Variants in ATP8B3 observed in about 807,000 individuals in gnomAD.
ATP8B3 encodes ATPase phospholipid transporting 8B3.
ATP8B3 carries 141 observed loss-of-function variants against 140.9 expected under a neutral mutation model. The ratio of observed to expected loss-of-function variants is 1.00; its 90% confidence interval spans 0.87 to 1.15. The LOEUF is 1.15. ATP8B3 is among the 50% of genes most tolerant of loss of function. The probability of loss-of-function intolerance (pLI) is 0.00; values close to 1 mark genes in which losing one functional copy is unlikely to be tolerated. For synonymous variants in ATP8B3, 765 were observed against 714.6 expected (o/e 1.07, Z -1.13); for missense variants, 1,874 against 1,740.6 (o/e 1.08, Z -1.36).
At chr19:1,797,462 TTTTATTTTTATTTATTTA>T (rs1192424075) in intron 14 of ATP8B3, among the ~76,000 whole-genome samples, 1 of 146,038 alleles carries the variant, frequency 6.8e-6, no homozygotes, top group African/African-American at 2.5e-5. Flanking sequence ...TTTTGTTCTT[TTTTATTTTTATTTATTTA>T]TTTATTTATT....
intron 20 of ATP8B3, among the ~76,000 whole-genome samples, chr19:1,791,134 A>G (rs532943775): frequency 1.1e-4 from 17 of 152,322 alleles, no homozygotes; most frequent in Admixed American, 3.3e-4. Flanking sequence ...AAATGTCTCA[A>G]TATCTTTTTA....
rs551077798 is a variant in ATP8B3, at chr19:1,793,013, G to A, written c.2056-878C>T. On this transcript the variant is annotated intron_variant, in intron 18 of 28. Coordinates refer to ENST00000310127, the MANE Select transcript of ATP8B3 (RefSeq NM_138813.4). ...ACCCCCAGACCCTCAGCTCTCTTTT[G>A]CCTCCAGACCTTCTTGGAGGACTGT... Among the ~76,000 whole-genome samples, 4 of 150,434 alleles carry A rather than the reference G, an allele frequency of 2.7e-5. No homozygotes were observed. In the South Asian group the frequency reaches 6.3e-4, roughly 24 times the overall value.
intron 18 of ATP8B3, 94 bp from the exon 19 acceptor site, chr19:1,792,229 T>C (rs2145182611): frequency 7.2e-7 from 1 of 1,384,416 alleles, no homozygotes; most frequent in East Asian, 2.5e-5. Flanking sequence ...GGAGCCTGGG[T>C]CCCCCAACCA....
At chr19:1,801,286 G>A (rs2145197305) in intron 12 of ATP8B3, among the ~76,000 whole-genome samples, 1 of 151,996 alleles carries the variant, frequency 6.6e-6, no homozygotes, top group Admixed American at 6.6e-5. Flanking sequence ...CAAGTAGCTG[G>A]GATTACAGGT....
intron 21 of ATP8B3, 84 bp downstream of exon 21, chr19:1,790,673 C>A: frequency 8.1e-7 from 1 of 1,230,806 alleles, no homozygotes; most frequent in Non-Finnish European, 1.1e-6. Context: ...CTTGGGCTCC[C>A]CGTCCAGTGA....
intron 21 of ATP8B3, 105 bp from the exon 22 acceptor site, chr19:1,790,094 C>T (rs2068446419): frequency 2.5e-6 from 2 of 785,840 alleles, no homozygotes; most frequent in Admixed American, 4.2e-5. Flanking sequence ...CACTCCCCCA[C>T]CCCTGCCCCT....
chr19:1,782,698 C>A lies in ATP8B3; in HGVS notation c.*330G>T, dbSNP rs959984263. ...GTGGCTGGCTCTCAAATGACGACAG[C>A]TGGCTTTCTCTGTGCAACAGTGATT... On this transcript the variant is annotated 3_prime_UTR_variant, in exon 29 of 29. Coordinates refer to ENST00000310127, the MANE Select transcript of ATP8B3 (RefSeq NM_138813.4). The A allele has an allele frequency of 3.2e-5, 10 of 317,404 alleles. No homozygotes were observed. The highest frequency in any genetic ancestry group is 2.1e-4 in the African/African-American group (10 of 46,860). 19.7% of individuals were successfully genotyped at this position (317,404 alleles called of 1,614,324 possible).
intron 14 of ATP8B3, among the ~76,000 whole-genome samples, chr19:1,797,358 G>A (rs1209245314): frequency 6.7e-6 from 1 of 149,716 alleles, no homozygotes; most frequent in Non-Finnish European, 1.5e-5. Flanking sequence ...AGCGGGATGT[G>A]GCCCCTTCCT....
chr19:1,807,875 G>A lies in ATP8B3; in HGVS notation c.516+347C>T, dbSNP rs920537569. Among the ~76,000 whole-genome samples, 1 of 152,236 alleles carries A rather than the reference G, an allele frequency of 6.6e-6. No individual in the cohort carries two copies. Among genetic ancestry groups the A allele is most frequent in the African/African-American group, 2.4e-5 (1 of 41,464 alleles). On this transcript the variant is annotated intron_variant, in intron 5 of 28. Coordinates refer to ENST00000310127, the MANE Select transcript of ATP8B3 (RefSeq NM_138813.4). The surrounding 1 kb of genome is among the most constrained non-coding windows in gnomAD (Gnocchi z 5.9). ...TGCTCTGGGCTCCTCCTTCCCCCTC[G>A]CCTCTGAGGTCAGCTGGGAGGGCGG...
In ATP8B3 at chr19:1,789,111, A is replaced by T; in HGVS notation, c.2855T>A (p.Val952Glu). 6.3e-7 allele frequency: 1 copy of T among 1,586,082 alleles called. No individual in the cohort carries two copies. Among genetic ancestry groups the T allele is most frequent in the Non-Finnish European group, 8.5e-7 (1 of 1,171,750 alleles). ...CTCCTGGCCCGCCAGCCCCACGCCC[A>T]CGTCCGCGGCTGCAGGGCACAAGCA... ...NDINMIKTAD[V>E]GVGLAGQEGM... Residue 952 changes from valine to glutamate, a missense_variant, in exon 24 of 29, where the codon GTG becomes GAG. Coordinates refer to ENST00000310127, the MANE Select transcript of ATP8B3 (RefSeq NM_138813.4).
intron 18 of ATP8B3, among the ~76,000 whole-genome samples, chr19:1,792,397 T>A (rs991596426): frequency 7.1e-6 from 1 of 140,206 alleles, no homozygotes; most frequent in African/African-American, 2.7e-5. Context: ...TTGGCCAACA[T>A]GGTGAAACCC....
intron 14 of ATP8B3, chr19:1,799,466 A>G (rs1052707395): frequency 2.2e-5 from 3 of 139,022 alleles, no homozygotes; most frequent in African/African-American, 3.2e-5. Flanking sequence ...TCTCAGAGAG[A>G]AAAAAAAAAA....
At chr19:1,787,652 C>G (rs759722769) in intron 24 of ATP8B3, among the ~76,000 whole-genome samples, 4 of 150,170 alleles carry the variant, frequency 2.7e-5, no homozygotes, top group Non-Finnish European at 5.9e-5. Context: ...TCGCTTGAAC[C>G]CAGGAGACGG....
At position 1,800,442 on chromosome 19, in the gene ATP8B3, A is replaced by G; in HGVS notation, c.1160T>C (p.Ile387Thr). 7.0e-7 allele frequency: 1 copy of G among 1,419,200 alleles called. No individual in the cohort carries two copies. The highest frequency in any genetic ancestry group is 9.5e-7 in the Non-Finnish European group (1 of 1,047,962). The allele number at this position is 1,419,200 out of a possible 1,614,324, so 87.9% of individuals were successfully genotyped here. A position where few individuals can be genotyped will look rare whatever the true frequency, so the allele number is the denominator to read the frequency against. Residue 387 changes from isoleucine (I) to threonine (T), a missense_variant, in exon 13 of 29, where the codon ATC becomes ACC. This residue lies in a region of ATP8B3 where 1,032 missense variants were observed against 963.6 expected (regional missense o/e 1.07). Transcript: ENST00000310127. This position sits in a 1 kb window ranked among gnomAD's most constrained non-coding sequence, Gnocchi z 4.4. ...CACCAGGCAGACAAGCACCACGGAG[A>G]TGAAGATCTGGAAGGCAGACGCGAC... ...LMNKLVVVIF[I>T]SVVLVCLVLA...
At chr19:1,802,386 C>T in intron 11 of ATP8B3, 101 bp downstream of exon 11, 1 of 1,246,912 alleles carries the variant, frequency 8.0e-7, no homozygotes, top group Admixed American at 2.3e-5. Flanking sequence ...CTCATCCTCT[C>T]ACACATCCAT....
chr19:1,788,711 C>G (rs898602282), intron 24 of ATP8B3, among the ~76,000 whole-genome samples, 186 bp downstream of exon 24: 1 of 152,208 alleles, frequency 6.6e-6, no homozygotes, highest in Admixed American at 6.5e-5. Flanking sequence ...AGACAGGGAC[C>G]GTCACCTCCC....
intron 25 of ATP8B3, among the ~76,000 whole-genome samples, chr19:1,786,666 A>G (rs1205708974): frequency 6.6e-6 from 1 of 152,072 alleles, no homozygotes; most frequent in Non-Finnish European, 1.5e-5. Flanking sequence ...ATGGGCACGT[A>G]TGGCTGCTGG....
At chr19:1,798,895 T>A (rs2068759910) in intron 14 of ATP8B3, 1 of 151,768 alleles carries the variant, frequency 6.6e-6, no homozygotes, top group Non-Finnish European at 1.5e-5. Flanking sequence ...GTAATTCCAG[T>A]GCTTTGAAAA....
At chr19:1,811,150 G>A (rs2069176499) in intron 2 of ATP8B3, among the ~76,000 whole-genome samples, 1 of 152,178 alleles carries the variant, frequency 6.6e-6, no homozygotes, top group African/African-American at 2.4e-5. Context: ...CTGACTGAAT[G>A]GGACCCCCGG....
Sources: gnomAD v4.1 joint callset for allele counts (sites outside exome capture counted in the v4.1 genomes callset) on GRCh38, gnomAD v4.1.1 for gene constraint, gnomAD v4.1.1 regional missense constraint, Gnocchi (gnomAD v3.1) non-coding constraint, MANE v1.5 for transcripts, NCBI Gene and HGNC (gene_info 2026-07-23, HGNC 2026-07-21) for gene names.